NR3C2: variants seen among roughly 807,000 people sequenced by gnomAD.
The protein encoded by NR3C2 is mineralocorticoid receptor.
In NR3C2, 15 loss-of-function variants were observed where a neutral mutation model predicts 86.4. The ratio of observed to expected loss-of-function variants is 0.17; its 90% CI spans 0.12 to 0.27. The LOEUF is 0.27. NR3C2 is among the 10% of genes least tolerant of loss of function. NR3C2 has a pLI of 1.00. For missense variants in NR3C2, 960 were observed against 1,195.6 expected (o/e 0.80, Z 2.91); for synonymous variants, 458 against 450.5 (o/e 1.02, Z -0.21).
chr4:148,147,354 C>T (rs560763666), intron 6 of NR3C2, among the ~76,000 whole-genome samples: 19 of 152,314 alleles, frequency 1.2e-4, no homozygotes, highest in African/African-American at 4.6e-4. Flanking sequence ...AAAAGCCATG[C>T]TTCATCATAA....
chr4:148,398,894 C>T (rs898695440), intron 2 of NR3C2, among the ~76,000 whole-genome samples: 5 of 151,994 alleles, frequency 3.3e-5, no homozygotes, highest in African/African-American at 4.8e-5. Flanking sequence ...TGAATGAGAG[C>T]GAGGGGTTCA....
chr4:148,260,363 C>T (rs185379933), intron 2 of NR3C2, among the ~76,000 whole-genome samples: 1 of 152,300 alleles, frequency 6.6e-6, no homozygotes, highest in Admixed American at 6.5e-5. Flanking sequence ...ATGTAAATCT[C>T]TTTCCTTCTT....
At chr4:148,442,783 C>T (rs973128006), upstream of NR3C2, 1 of 985,432 alleles carries the variant, frequency 1.0e-6, no homozygotes, top group Non-Finnish European at 1.2e-6. Flanking sequence ...AGGCGGCCTC[C>T]GCACGCTGCC....
In NR3C2 at chr4:148,435,683, T is replaced by A; in HGVS notation, c.1178A>T (p.Asn393Ile). Residue 393 changes from asparagine to isoleucine, a missense_variant, in exon 2 of 9, where the codon AAT (asparagine) becomes ATT (isoleucine). Physicochemically the swap from Asn to Ile is moderately radical, Grantham distance 149. Transcript: ENST00000358102. Reference sequence around the variant, plus strand: ...TTCTGGTTTTATGTACTGGACAATATTAAGCTGGCCAGTCACACCATTTGA... The same window carrying A: ...TTCTGGTTTTATGTACTGGACAATAATAAGCTGGCCAGTCACACCATTTGA... ...AISNGVTGQL[N>I]IVQYIKPEPD... The A allele has an allele frequency of 6.2e-7, 1 of 1,614,214 alleles. No homozygotes were observed.
intron 6 of NR3C2, among the ~76,000 whole-genome samples, chr4:148,136,302 T>C (rs1733340516): frequency 6.7e-6 from 1 of 149,394 alleles, no homozygotes; most frequent in South Asian, 2.1e-4. Flanking sequence ...AGAGAAAGGG[T>C]CAAGCAGAAA....
At chr4:148,264,161 A>G (rs761910385) in intron 2 of NR3C2, among the ~76,000 whole-genome samples, 8 of 152,228 alleles carry the variant, frequency 5.3e-5, no homozygotes, top group Non-Finnish European at 1.0e-4. Context: ...GGGACAGACT[A>G]TTGTCAAAAG....
intron 2 of NR3C2, among the ~76,000 whole-genome samples, chr4:148,355,172 C>T (rs1052259533): frequency 1.3e-5 from 2 of 152,136 alleles, no homozygotes; most frequent in African/African-American, 4.8e-5. Context: ...TCTCCCACAT[C>T]AGAATGATAT....
chr4:148,116,203 TAAG>T (rs1732266740), intron 7 of NR3C2, among the ~76,000 whole-genome samples: 2 of 152,236 alleles, frequency 1.3e-5, no homozygotes, highest in Non-Finnish European at 2.9e-5. Flanking sequence ...TTGGTACATC[TAAG>T]ATTAACCAAA....
At chr4:148,361,073 A>C (rs113295706) in intron 2 of NR3C2, among the ~76,000 whole-genome samples, 60 of 152,192 alleles carry the variant, frequency 3.9e-4, no homozygotes, top group African/African-American at 1.3e-3. Context: ...CCATGTATTA[A>C]TTATGGTGTA....
chr4:148,323,541 T>C (rs1014383674), intron 2 of NR3C2, among the ~76,000 whole-genome samples: 118 of 116,024 alleles, frequency 1.0e-3, no homozygotes, highest in African/African-American at 3.1e-3. Flanking sequence ...ACTCCGTGAG[T>C]GTAGGACCCT....
At chr4:148,396,336 T>C (rs1747859801) in intron 2 of NR3C2, among the ~76,000 whole-genome samples, 1 of 152,160 alleles carries the variant, frequency 6.6e-6, no homozygotes, top group Admixed American at 6.5e-5. Context: ...GTGTTTTCCC[T>C]GGGGCAAAGT....
chr4:148,198,218 G>GT (rs1736532155), intron 3 of NR3C2, among the ~76,000 whole-genome samples: 2 of 152,002 alleles, frequency 1.3e-5, no homozygotes. Flanking sequence ...TTTTTCTAAT[G>GT]TTTTAAACTA....
chr4:148,234,416 A>G (rs2149840431), intron 3 of NR3C2, among the ~76,000 whole-genome samples: 1 of 152,236 alleles, frequency 6.6e-6, no homozygotes, highest in East Asian at 1.9e-4. Context: ...TCAAGCCTGT[A>G]ATCCCAGCAC....
chr4:148,182,532 CT>C (rs1487349510), intron 4 of NR3C2, among the ~76,000 whole-genome samples: 1 of 152,162 alleles, frequency 6.6e-6, no homozygotes, highest in Non-Finnish European at 1.5e-5. Context: ...TCAGAGTGAG[CT>C]TTTTTCAGCA....
At chr4:148,092,614 A>C (rs1038565832) in intron 8 of NR3C2, among the ~76,000 whole-genome samples, 3 of 152,206 alleles carry the variant, frequency 2.0e-5, no homozygotes, top group Non-Finnish European at 4.4e-5. Context: ...CATTGAGCCA[A>C]AACAAAAACT....
At chr4:148,136,056 C>CAA (rs199716496) in intron 6 of NR3C2, among the ~76,000 whole-genome samples, 1,338 of 71,002 alleles carry the variant, frequency 0.019, 144 homozygotes, top group African/African-American at 0.083. Flanking sequence ...GACTCCGTCT[C>CAA]AAAAAAAAAA....
intron 4 of NR3C2, among the ~76,000 whole-genome samples, chr4:148,169,796 A>G (rs982059973): frequency 1.3e-5 from 2 of 152,230 alleles, no homozygotes; most frequent in Non-Finnish European, 2.9e-5. Context: ...CTTACTCAAG[A>G]TGCAGAATCT....
intron 3 of NR3C2, among the ~76,000 whole-genome samples, chr4:148,209,738 C>G (rs1737190255): frequency 6.6e-6 from 1 of 152,188 alleles, no homozygotes; most frequent in South Asian, 2.1e-4. Context: ...CCAATTAGGG[C>G]TAGGACGGTT....
intron 2 of NR3C2, among the ~76,000 whole-genome samples, chr4:148,421,074 T>C (rs1383638324): frequency 2.6e-5 from 4 of 152,242 alleles, no homozygotes; most frequent in Non-Finnish European, 5.9e-5. Flanking sequence ...CAAGTGTTTA[T>C]ATAAATGCTT....
Sources: gnomAD v4.1 joint callset for allele counts (sites outside exome capture counted in the v4.1 genomes callset) on GRCh38, gnomAD v4.1.1 for gene constraint, MANE v1.5 for transcripts, NCBI Gene and HGNC (gene_info 2026-07-23, HGNC 2026-07-21) for gene names.